The following NUP93 variants were observed in gnomAD, a reference collection of about 807,000 sequenced individuals.
NUP93 encodes the protein nuclear pore complex protein Nup93.
In NUP93, 55 loss-of-function variants were observed where a neutral mutation model predicts 107.8. The ratio of observed to expected loss-of-function variants is 0.51; its 90% CI spans 0.41 to 0.64. The LOEUF (loss-of-function observed/expected upper bound fraction) is 0.64, where lower values mean the gene tolerates loss of function less well. Ranked by LOEUF, NUP93 falls within the 30% of genes least tolerant of loss-of-function variation. The pLI, the probability that NUP93 is intolerant of heterozygous loss-of-function variation, is 0.00. For missense variants in NUP93, 937 were observed against 1,044.7 expected, an observed-to-expected ratio of 0.90 and a Z score of 1.42; for synonymous variants, 390 against 397.5, an observed-to-expected ratio of 0.98 and a Z score of 0.22.
intron 21 of NUP93, chr16:56,842,772 C>T (rs1964051713): frequency 2.9e-6 from 1 of 346,238 alleles, no homozygotes; most frequent in Non-Finnish European, 5.7e-6. Flanking sequence ...AGACTGGTCT[C>T]GAACTCCTGA....
At chr16:56,795,016 A>G (rs1335097800) in intron 3 of NUP93, among the ~76,000 whole-genome samples, 4 of 151,510 alleles carry the variant, frequency 2.6e-5, no homozygotes, top group South Asian at 2.1e-4. Context: ...CCAGAGAAGG[A>G]ATATGACAGA....
chr16:56,752,866 G>C (rs926206776), intron 2 of NUP93, among the ~76,000 whole-genome samples: 1 of 152,146 alleles, frequency 6.6e-6, no homozygotes, highest in African/African-American at 2.4e-5. Flanking sequence ...GTGATCAGCT[G>C]ATTTTCAACA....
intron 3 of NUP93, among the ~76,000 whole-genome samples, chr16:56,789,859 G>T (rs1962716292): frequency 6.6e-6 from 1 of 152,186 alleles, no homozygotes; most frequent in Non-Finnish European, 1.5e-5. Flanking sequence ...TGCACTTTGG[G>T]AGGCCGAGGC....
In NUP93 at chr16:56,773,289, C is replaced by T. The variant is rs1210022920; in HGVS notation, c.297+14634C>T. On this transcript the variant is annotated intron_variant, in intron 3 of 21. Coordinates refer to ENST00000308159, the MANE Select transcript of NUP93 (RefSeq NM_014669.5). ...TGTAAATTAATCTACCTCCCAACCT[C>T]ATATATGCTTTTCACTATTTGTTAA... Among the ~76,000 whole-genome samples the T allele has an allele frequency of 2.0e-5, 3 of 152,226 alleles. No homozygotes were observed. The East Asian group carries it at 5.8e-4, about 29-fold the overall frequency.
chr16:56,833,374 T>C lies in NUP93; in HGVS notation c.1505T>C (p.Leu502Pro). 1.3e-6 allele frequency: 2 copies of C among 1,579,136 alleles called. No homozygotes were observed. Among genetic ancestry groups the C allele is most frequent in the Non-Finnish European group, 1.7e-6 (2 of 1,168,168 alleles). Residue 502 changes from leucine (L) to proline (P), a missense_variant, in exon 13 of 22, where the codon CTT becomes CCT. Coordinates refer to ENST00000308159, the MANE Select transcript of NUP93 (RefSeq NM_014669.5). ...VALVLFELKLLLKSSGQSAQL... is the reference protein window; with the variant it reads ...VALVLFELKLPLKSSGQSAQL... Reference sequence around the variant, plus strand: ...CTGGTGCTGTTTGAGCTGAAGCTGCTTTTAAAGTCCTCTGGACAGAGTGCT... The same window carrying C: ...CTGGTGCTGTTTGAGCTGAAGCTGCCTTTAAAGTCCTCTGGACAGAGTGCT...
At chr16:56,794,086 G>A (rs201544560) in intron 3 of NUP93, among the ~76,000 whole-genome samples, 37 of 135,718 alleles carry the variant, frequency 2.7e-4, no homozygotes, top group Middle Eastern at 3.5e-3. Flanking sequence ...AGGTAGGTAG[G>A]TAGGTAGATA....
At chr16:56,820,332 C>T (rs772256118) in intron 6 of NUP93, among the ~76,000 whole-genome samples, 1 of 152,214 alleles carries the variant, frequency 6.6e-6, no homozygotes, top group Non-Finnish European at 1.5e-5. Context: ...TTGATTGAGA[C>T]GAAGTCTTGC....
intron 5 of NUP93, among the ~76,000 whole-genome samples, chr16:56,806,498 G>A (rs562121690): frequency 5.3e-5 from 8 of 152,144 alleles, no homozygotes; most frequent in African/African-American, 1.9e-4. Context: ...TCTGGCTCAG[G>A]GTCTCTAAGC....
chr16:56,788,372 C>G (rs1249875188), intron 3 of NUP93, among the ~76,000 whole-genome samples: 1 of 152,244 alleles, frequency 6.6e-6, no homozygotes, highest in Non-Finnish European at 1.5e-5. Flanking sequence ...CCCTATCCCT[C>G]TTGTGACCTC....
At chr16:56,785,328 G>A (rs574551085) in intron 3 of NUP93, among the ~76,000 whole-genome samples, 401 of 152,182 alleles carry the variant, frequency 2.6e-3, no homozygotes, top group Non-Finnish European at 4.2e-3. Flanking sequence ...TACCCTGGGG[G>A]AGGTAGGAGA....
chr16:56,807,477 T>C (rs1306666424), intron 5 of NUP93, among the ~76,000 whole-genome samples: 1 of 152,252 alleles, frequency 6.6e-6, no homozygotes, highest in Non-Finnish European at 1.5e-5. Context: ...TTATTGAAGA[T>C]AAGGATCTTT....
intron 5 of NUP93, among the ~76,000 whole-genome samples, chr16:56,816,844 G>A (rs887726084): frequency 6.6e-6 from 1 of 152,106 alleles, no homozygotes; most frequent in South Asian, 2.1e-4. Flanking sequence ...AATTTAAACC[G>A]CAGACACCAG....
Position 56,747,411 on chromosome 16 carries a change from A to G in NUP93, c.-14-823A>G, listed in dbSNP as rs184910203. Among the ~76,000 whole-genome samples the G allele has an allele frequency of 9.8e-4, 150 of 152,368 alleles. 1 individual carries two copies. Among genetic ancestry groups the G allele is most frequent in the Non-Finnish European group, 1.7e-3 (116 of 68,040 alleles). On this transcript the variant is annotated intron_variant, in intron 1 of 21. Coordinates refer to ENST00000308159, the MANE Select transcript of NUP93 (RefSeq NM_014669.5). ...AAGAATAGTGCAGTATATATTCTGT[A>G]CTACTGGCATTTCTAAAAGTAGCAG...
intron 7 of NUP93, among the ~76,000 whole-genome samples, chr16:56,823,160 G>A (rs1452189480): frequency 2.0e-5 from 3 of 152,176 alleles, no homozygotes; most frequent in Non-Finnish European, 2.9e-5. Flanking sequence ...GTCTTTTGAA[G>A]GGAGTGAGTG....
intron 2 of NUP93, among the ~76,000 whole-genome samples, chr16:56,754,747 G>A (rs1961986712): frequency 2.0e-5 from 3 of 152,198 alleles, no homozygotes; most frequent in African/African-American, 4.8e-5. Flanking sequence ...CCACTAGGCA[G>A]TGCCCCAGTG....
Position 56,838,946 on chromosome 16 carries a change from T to C in NUP93, c.2019-6T>C. 1 of 1,607,582 alleles carries C rather than the reference T, an allele frequency of 6.2e-7. No individual in the cohort carries two copies. The highest frequency in any genetic ancestry group is 8.5e-7 in the Non-Finnish European group (1 of 1,175,464). On this transcript the variant is annotated splice_region_variant and splice_polypyrimidine_tract_variant and intron_variant, in intron 18 of 21. Coordinates refer to ENST00000308159, the MANE Select transcript of NUP93 (RefSeq NM_014669.5). Reference sequence around the variant, plus strand: ...TTACTACCCCCACCCCGTTTTTGTCTTTCAGGTATAGGGCTCAAGGAATAA... The same window carrying C: ...TTACTACCCCCACCCCGTTTTTGTCCTTCAGGTATAGGGCTCAAGGAATAA...
intron 20 of NUP93, among the ~76,000 whole-genome samples, chr16:56,841,138 T>C (rs1321324683): frequency 6.6e-6 from 1 of 152,250 alleles, no homozygotes; most frequent in Non-Finnish European, 1.5e-5. Context: ...TGCTGTGGCT[T>C]CTACCCTTAG....
At chr16:56,779,791 C>T (rs1322893911) in intron 3 of NUP93, among the ~76,000 whole-genome samples, 2 of 152,122 alleles carry the variant, frequency 1.3e-5, no homozygotes, top group Admixed American at 6.5e-5. Context: ...AGAGGAAAAA[C>T]GTCTTAACAG....
chr16:56,823,218 G>A (rs1309647439), intron 7 of NUP93, among the ~76,000 whole-genome samples: 1 of 152,184 alleles, frequency 6.6e-6, no homozygotes, highest in Non-Finnish European at 1.5e-5. Flanking sequence ...CGTAAGAGCG[G>A]TGGCCCCTGG....
Sources: gnomAD v4.1 joint callset for allele counts (sites outside exome capture counted in the v4.1 genomes callset) on GRCh38, gnomAD v4.1.1 for gene constraint, MANE v1.5 for transcripts, NCBI Gene and HGNC (gene_info 2026-07-23, HGNC 2026-07-21) for gene names.